Variants in NCKAP5 observed in about 807,000 individuals in gnomAD.
NCKAP5 encodes the protein NCK associated protein 5.
Under a neutral mutation model 167.0 loss-of-function variants are expected in NCKAP5, and 92 were observed. The observed-to-expected ratio is 0.55, with a 90% CI of 0.47 to 0.66. The LOEUF is 0.66. NCKAP5 is among the 30% of genes least tolerant of loss of function. The pLI is 0.00. For synonymous variants in NCKAP5, 891 were observed against 877.4 expected, an observed-to-expected ratio of 1.02 and a Z score of -0.27; for missense variants, 2,378 against 2,315.0, an observed-to-expected ratio of 1.03 and a Z score of -0.56.
intron 6 of NCKAP5, among the ~76,000 whole-genome samples, chr2:133,027,223 G>A (rs540620233): frequency 1.3e-5 from 2 of 152,228 alleles, no homozygotes; most frequent in South Asian, 4.2e-4. Flanking sequence ...ACGCAGACAG[G>A]TCAGTTCATA....
intron 11 of NCKAP5, among the ~76,000 whole-genome samples, chr2:132,802,589 T>G (rs1196564132): frequency 1.3e-5 from 2 of 152,216 alleles, no homozygotes; most frequent in Non-Finnish European, 1.5e-5. Flanking sequence ...TGCCTGTAAG[T>G]TCACCTTTCT....
the NCKAP5 span, among the ~76,000 whole-genome samples, chr2:133,591,603 C>A: frequency 3.3e-5 from 5 of 152,296 alleles, no homozygotes; most frequent in African/African-American, 1.2e-4. Flanking sequence ...CTTCATCACA[C>A]TCAAATGGAA....
At chr2:133,096,206 T>C (rs762579855) in intron 6 of NCKAP5, among the ~76,000 whole-genome samples, 1 of 152,114 alleles carries the variant, frequency 6.6e-6, no homozygotes, top group African/African-American at 2.4e-5. Context: ...TTTCTGATAA[T>C]TAGGCCAGGC....
intron 8 of NCKAP5, among the ~76,000 whole-genome samples, chr2:132,960,477 C>T (rs763814728): frequency 1.3e-5 from 2 of 152,156 alleles, no homozygotes; most frequent in Non-Finnish European, 2.9e-5. Flanking sequence ...GAGTTGAAGG[C>T]CCTTAGCCTC....
At chr2:132,751,497 C>T (rs1044558013) in intron 16 of NCKAP5, among the ~76,000 whole-genome samples, 25 of 152,108 alleles carry the variant, frequency 1.6e-4, no homozygotes, top group African/African-American at 6.0e-4. Context: ...ATTCCATATG[C>T]CTGCAGAACT....
intron 16 of NCKAP5, among the ~76,000 whole-genome samples, chr2:132,767,003 T>C (rs1023149150): frequency 2.0e-5 from 3 of 152,220 alleles, no homozygotes; most frequent in Admixed American, 1.3e-4. Context: ...CCATTATACA[T>C]GATGCTCCAA....
intron 3 of NCKAP5, among the ~76,000 whole-genome samples, chr2:133,343,366 CA>C (rs1300981636): frequency 1.3e-5 from 2 of 150,072 alleles, no homozygotes; most frequent in East Asian, 3.9e-4. Context: ...ATGTTAGTAG[CA>C]AAAAATGACA....
At chr2:133,448,705 T>G (rs1415285210) in intron 3 of NCKAP5, among the ~76,000 whole-genome samples, 2 of 152,140 alleles carry the variant, frequency 1.3e-5, no homozygotes, top group Non-Finnish European at 2.9e-5. Context: ...AGTGGCATGA[T>G]CACAGCTTAC....
intron 4 of NCKAP5, among the ~76,000 whole-genome samples, chr2:133,288,313 G>A (rs1019197994): frequency 6.6e-5 from 10 of 152,106 alleles, no homozygotes; most frequent in African/African-American, 1.9e-4. Context: ...CAGTTGTGAC[G>A]TCAAAGAATT....
At chr2:133,597,570 G>A in the NCKAP5 span, among the ~76,000 whole-genome samples, 1 of 150,490 alleles carries the variant, frequency 6.6e-6, no homozygotes, top group South Asian at 2.1e-4. Flanking sequence ...TCGGGAGGCT[G>A]AGGCAGGAGA....
chr2:133,283,968 A>G (rs1010328294), intron 4 of NCKAP5, among the ~76,000 whole-genome samples: 2 of 152,158 alleles, frequency 1.3e-5, no homozygotes, highest in Admixed American at 1.3e-4. Flanking sequence ...CAGTGATCAA[A>G]TGATTTCCTC....
intron 11 of NCKAP5, among the ~76,000 whole-genome samples, chr2:132,816,579 C>G (rs1467755302): frequency 1.3e-5 from 2 of 152,132 alleles, no homozygotes; most frequent in Admixed American, 6.5e-5. Flanking sequence ...ACAAGATGGC[C>G]TCCTGTGATG....
chr2:132,985,309 A>G (rs1431757834), intron 7 of NCKAP5, among the ~76,000 whole-genome samples: 1 of 152,176 alleles, frequency 6.6e-6, no homozygotes, highest in Admixed American at 6.5e-5. Flanking sequence ...TAAATTCCGG[A>G]GAAGAATGTA....
At chr2:133,459,377 C>A (rs999671798) in intron 3 of NCKAP5, among the ~76,000 whole-genome samples, 1 of 152,114 alleles carries the variant, frequency 6.6e-6, no homozygotes, top group Non-Finnish European at 1.5e-5. Flanking sequence ...CCCAAGACTT[C>A]ATGGGCTAAC....
intron 3 of NCKAP5, among the ~76,000 whole-genome samples, chr2:133,462,990 C>T (rs1158341932): frequency 6.6e-6 from 1 of 152,208 alleles, no homozygotes; most frequent in African/African-American, 2.4e-5. Flanking sequence ...GTACTTCCAT[C>T]TGCGTTTTAT....
At chr2:133,410,985 T>C (rs906700002) in intron 3 of NCKAP5, among the ~76,000 whole-genome samples, 9 of 152,220 alleles carry the variant, frequency 5.9e-5, no homozygotes, top group Non-Finnish European at 1.3e-4. Flanking sequence ...TTCTCTCCTC[T>C]TGGCAGTCTG....
At chr2:133,251,843 A>ATCCAAATGTGTCTGGTCTTCTGTG (rs1485307840) in intron 4 of NCKAP5, among the ~76,000 whole-genome samples, 44 of 152,360 alleles carry the variant, frequency 2.9e-4, no homozygotes, top group African/African-American at 1.0e-3. Flanking sequence ...TTTAACAGCA[A>ATCCAAATGTGTCTGGTCTTCTGTG]TGAAGACCAG....
the NCKAP5 span, among the ~76,000 whole-genome samples, chr2:133,592,909 G>A: frequency 6.6e-6 from 1 of 152,056 alleles, no homozygotes; most frequent in Non-Finnish European, 1.5e-5. Context: ...GATTAATCTG[G>A]GTTAATCCTT....
chr2:133,243,765 T>C (rs1361677046), intron 4 of NCKAP5, among the ~76,000 whole-genome samples: 1 of 152,198 alleles, frequency 6.6e-6, no homozygotes, highest in Non-Finnish European at 1.5e-5. Context: ...AGTAAACATT[T>C]GTTAAACCTG....
Sources: gnomAD v4.1 joint callset for allele counts (sites outside exome capture counted in the v4.1 genomes callset) on GRCh38, gnomAD v4.1.1 for gene constraint, MANE v1.5 for transcripts, NCBI Gene and HGNC (gene_info 2026-07-23, HGNC 2026-07-21) for gene names.